The following NAA35 variants were observed in gnomAD, a reference collection of about 807,000 sequenced individuals.
NAA35 encodes the protein N-alpha-acetyltransferase 35, NatC auxiliary subunit.
Under a neutral mutation model 101.7 loss-of-function variants are expected in NAA35, and 18 were observed. That is an observed-to-expected ratio of 0.18 (90% confidence interval 0.12 to 0.26). The LOEUF (loss-of-function observed/expected upper bound fraction) is 0.26. Ranked by LOEUF, NAA35 falls within the 10% of genes least tolerant of loss-of-function variation. NAA35 has a pLI of 1.00. For synonymous variants in NAA35, 267 were observed against 273.1 expected (o/e 0.98, Z 0.22); for missense variants, 601 against 886.8 (o/e 0.68, Z 4.09).
At position 85,978,258 on chromosome 9, in the gene NAA35, A is replaced by T; in HGVS notation, c.763-9A>T. ...TATGTAAGAATGTTTTTGGTGATTT[A>T]TTTGCTAGACCAGTGCTGTTGCAGA... On this transcript the variant is annotated splice_polypyrimidine_tract_variant and intron_variant, in intron 10 of 22. Transcript: ENST00000361671. The T allele has an allele frequency of 1.3e-6, 2 of 1,543,202 alleles. No homozygotes were observed. The highest frequency in any genetic ancestry group is 1.8e-6 in the Non-Finnish European group (2 of 1,116,420).
intron 12 of NAA35, 49 bp downstream of exon 12, chr9:85,996,626 T>G (rs780435377): frequency 7.4e-7 from 1 of 1,348,378 alleles, no homozygotes; most frequent in Non-Finnish European, 1.0e-6. Context: ...TAAAAAAAAT[T>G]GATACATAAT....
At chr9:85,975,679 TGAG>T (rs1050524942) in intron 8 of NAA35, among the ~76,000 whole-genome samples, 19 of 152,228 alleles carry the variant, frequency 1.2e-4, no homozygotes, top group African/African-American at 4.3e-4. Flanking sequence ...TACAGAGAGA[TGAG>T]TATATTAAAA....
chr9:86,023,627 A>G lies in NAA35; in HGVS notation c.*1667A>G, dbSNP rs530848513. 3.3e-5 allele frequency among the ~76,000 whole-genome samples: 5 copies of G among 152,332 alleles called. No homozygotes were observed. In the East Asian group the frequency reaches 9.6e-4, roughly 29 times the overall value. On this transcript the variant is annotated 3_prime_UTR_variant, in exon 23 of 23. Transcript: ENST00000361671. ...AATGCAACAAGGGCCCTGCTAGATG[A>G]TGGGATCACTTTTAATTAAGAGGGT...
chr9:85,972,141 C>G (rs1830023829), intron 6 of NAA35, among the ~76,000 whole-genome samples: 1 of 152,112 alleles, frequency 6.6e-6, no homozygotes, highest in African/African-American at 2.4e-5. Context: ...TCTTGGCAAA[C>G]TTACAGATAA....
intron 2 of NAA35, among the ~76,000 whole-genome samples, chr9:85,949,224 A>T (rs1828898866): frequency 6.6e-6 from 1 of 151,260 alleles, no homozygotes; most frequent in Admixed American, 6.6e-5. Flanking sequence ...TGTTATTTGG[A>T]TATTGAATCT....
At position 86,010,248 on chromosome 9, in the gene NAA35, CATAATAATA is replaced by C. The variant is rs544359131; in HGVS notation, c.1290+334_1290+342del. ...CAGAGTGAGACTTTGTCTCAATAACCATAATAATAATAATAATAATAATAAATTGCTGGA... is the reference window on the plus strand; with the variant it reads ...CAGAGTGAGACTTTGTCTCAATAACCATAATAATAATAATAAATTGCTGGA... On this transcript the variant is annotated intron_variant, in intron 15 of 22. Coordinates refer to ENST00000361671, the MANE Select transcript of NAA35 (RefSeq NM_024635.4). Among the ~76,000 whole-genome samples the C allele has an allele frequency of 2.0e-4, 30 of 150,660 alleles. No individual in the cohort carries two copies. In the South Asian group the frequency reaches 3.6e-3, roughly 18 times the overall value.
In NAA35 at chr9:86,016,611, G is replaced by A; in HGVS notation, c.1641G>A (p.Glu547=). The A allele has an allele frequency of 2.5e-6, 4 of 1,613,858 alleles. No homozygotes were observed. Among genetic ancestry groups the A allele is most frequent in the Non-Finnish European group, 3.4e-6 (4 of 1,179,948 alleles). The change falls in exon 18 of 23, where the codon GAG becomes GAA. Residue 547 remains glutamate (E), a synonymous_variant. Coordinates refer to ENST00000361671, the MANE Select transcript of NAA35 (RefSeq NM_024635.4). ...GTGCCGATGGCTCTCAAATGGCAGA[G>A]GAAAGGATAATGGAAGAGCAGCAGA... ...LSRADGSQMA[E]ERIMEEQQKG...
In NAA35 at chr9:85,964,961, A is replaced by G. The variant is rs982034536; in HGVS notation, c.516+2781A>G. ...CTCCCCTTAGATCAAATATCCATTG[A>G]CGGTGCTTGCCTGGACTAATGTTTA... On this transcript the variant is annotated intron_variant, in intron 6 of 22. Coordinates refer to ENST00000361671, the MANE Select transcript of NAA35 (RefSeq NM_024635.4). 1.2e-4 allele frequency among the ~76,000 whole-genome samples: 19 copies of G among 152,332 alleles called. No homozygotes were observed. In the South Asian group the frequency reaches 2.9e-3, roughly 23 times the overall value.
intron 2 of NAA35, among the ~76,000 whole-genome samples, chr9:85,945,612 G>T (rs781133114): frequency 2.1e-5 from 3 of 145,498 alleles, no homozygotes; most frequent in African/African-American, 8.4e-5. Flanking sequence ...TCGACCTCCC[G>T]GGTTCACGCC....
chr9:86,022,895 T>A lies in NAA35; in HGVS notation c.*935T>A, dbSNP rs1474510772. ...CTTGGGCCTTCCTTTTTGTCCTCTG[T>A]AGCAGGCAATACTCTTAGCAAAATG... On this transcript the variant is annotated 3_prime_UTR_variant, in exon 23 of 23. Transcript: ENST00000361671. 6.6e-6 allele frequency among the ~76,000 whole-genome samples: 1 copy of A among 152,170 alleles called. No individual in the cohort carries two copies. Among genetic ancestry groups the A allele is most frequent in the Non-Finnish European group, 1.5e-5 (1 of 68,042 alleles).
chr9:85,948,570 G>T (rs1468899026), intron 2 of NAA35, among the ~76,000 whole-genome samples: 3 of 152,118 alleles, frequency 2.0e-5, no homozygotes, highest in Admixed American at 6.5e-5. Context: ...CTTGAGTAAA[G>T]TGCATGGGAG....
intron 2 of NAA35, among the ~76,000 whole-genome samples, chr9:85,946,511 C>G (rs1828768938): frequency 6.6e-6 from 1 of 152,070 alleles, no homozygotes; most frequent in Non-Finnish European, 1.5e-5. Flanking sequence ...ATGTTTTAGT[C>G]TAGGAGGATA....
At chr9:86,017,457 GA>G in intron 18 of NAA35, 40 bp from the exon 19 acceptor site, 1 of 1,585,452 alleles carries the variant, frequency 6.3e-7, no homozygotes, top group Non-Finnish European at 8.6e-7. Context: ...GAGGGAGGAG[GA>G]AAAGATTATG....
chr9:85,974,377 C>A (rs1830126151), intron 6 of NAA35, among the ~76,000 whole-genome samples: 1 of 152,108 alleles, frequency 6.6e-6, no homozygotes, highest in African/African-American at 2.4e-5. Flanking sequence ...GGAAGTCCAG[C>A]AAATCACTTA....
intron 11 of NAA35, among the ~76,000 whole-genome samples, chr9:85,992,215 G>C (rs1025699612): frequency 2.0e-5 from 3 of 151,442 alleles, no homozygotes; most frequent in African/African-American, 7.3e-5. Context: ...TAAAATAATA[G>C]GAACATATCA....
chr9:85,952,512 T>G (rs1829066065), intron 2 of NAA35, among the ~76,000 whole-genome samples: 1 of 152,144 alleles, frequency 6.6e-6, no homozygotes, highest in Admixed American at 6.6e-5. Flanking sequence ...CTTGAACTCC[T>G]GACCTCCAGT....
intron 2 of NAA35, among the ~76,000 whole-genome samples, chr9:85,943,965 A>T (rs151106699): frequency 6.6e-6 from 1 of 152,276 alleles, no homozygotes; most frequent in African/African-American, 2.4e-5. Flanking sequence ...GGAATTATAG[A>T]GCGTCTTTAG....
chr9:85,961,354 C>G (rs1829504763), intron 5 of NAA35, among the ~76,000 whole-genome samples: 2 of 152,072 alleles, frequency 1.3e-5, no homozygotes, highest in South Asian at 4.1e-4. Context: ...GAGAAAAATA[C>G]CACCTTTCTC....
rs189865320 is a variant in NAA35, at chr9:85,992,375, C to T, written c.878-4024C>T. Among the ~76,000 whole-genome samples, 6 of 151,930 alleles carry T rather than the reference C, an allele frequency of 3.9e-5. No homozygotes were observed. The East Asian group carries it at 1.2e-3, about 30-fold the overall frequency. On this transcript the variant is annotated intron_variant, in intron 11 of 22. Transcript: ENST00000361671. The stretch of plus-strand genomic sequence containing the variant: ...CCCTGATATAAATAAATGAAATGGA[C>T]AGTTTGATGAAAATATTTATATGAG...
Sources: gnomAD v4.1 joint callset for allele counts (sites outside exome capture counted in the v4.1 genomes callset) on GRCh38, gnomAD v4.1.1 for gene constraint, MANE v1.5 for transcripts, NCBI Gene and HGNC (gene_info 2026-07-23, HGNC 2026-07-21) for gene names.